GNAO1: variants seen among roughly 807,000 people sequenced by gnomAD.
The protein encoded by GNAO1 is guanine nucleotide-binding protein G(o) subunit alpha.
For synonymous variants in GNAO1, 164 were observed against 180.7 expected, an observed-to-expected ratio of 0.91 and a Z score of 0.74; for missense variants, 166 against 478.7, an observed-to-expected ratio of 0.35 and a Z score of 6.10.
chr16:56,355,206 C>CTT, intron 8 of GNAO1, 125 bp downstream of exon 8: 1 of 226,192 alleles, frequency 4.4e-6, no homozygotes, highest in East Asian at 8.4e-5. Context: ...ATAACAAAAC[C>CTT]TTATATATAT....
chr16:56,317,127 C>G (rs896161321), intron 3 of GNAO1, among the ~76,000 whole-genome samples: 3 of 152,202 alleles, frequency 2.0e-5, no homozygotes, highest in South Asian at 4.1e-4. Flanking sequence ...AAAACCCAAG[C>G]CTTCTTTACT....
intron 2 of GNAO1, among the ~76,000 whole-genome samples, chr16:56,256,426 C>T (rs1321748655): frequency 2.6e-5 from 4 of 152,128 alleles, no homozygotes; most frequent in South Asian, 2.1e-4. Flanking sequence ...AAGTTCTTTC[C>T]GGCATCCATG....
rs773324912 is a variant in GNAO1 at position 56,276,086 on chromosome 16, C to T, written c.303+14C>T. ...AAGGAGAGAAAGGTAGGCCCCTGAG[C>T]CCATAAGCACAGCAACAAGAGGTTC... On this transcript the variant is annotated intron_variant, in intron 3 of 8. Coordinates refer to ENST00000262493, the MANE Select transcript of GNAO1 (RefSeq NM_020988.3). 2 of 1,606,870 alleles carry T rather than the reference C, an allele frequency of 1.2e-6. No individual in the cohort carries two copies. The highest frequency in any genetic ancestry group is 2.2e-5 in the East Asian group (1 of 44,812).
intron 2 of GNAO1, among the ~76,000 whole-genome samples, chr16:56,214,021 G>C (rs945171189): frequency 6.6e-6 from 1 of 152,250 alleles, no homozygotes; most frequent in South Asian, 2.1e-4. Context: ...GTGGATGTGT[G>C]TGTGTATCCT....
intron 2 of GNAO1, among the ~76,000 whole-genome samples, chr16:56,254,272 A>G (rs570171485): frequency 6.6e-6 from 1 of 152,230 alleles, no homozygotes; most frequent in South Asian, 2.1e-4. Flanking sequence ...TATTTTTGAA[A>G]TAGACATCTT....
chr16:56,345,096 A>G (rs1206191833), intron 6 of GNAO1: 8 of 985,392 alleles, frequency 8.1e-6, no homozygotes, highest in Non-Finnish European at 9.6e-6. Flanking sequence ...AGGACTCCTT[A>G]GAGGAGGCTT....
chr16:56,254,870 C>T (rs1020270717), intron 2 of GNAO1, among the ~76,000 whole-genome samples: 4 of 152,082 alleles, frequency 2.6e-5, no homozygotes, highest in Non-Finnish European at 5.9e-5. Context: ...TTCTTTTTCC[C>T]TTAATTCATA....
chr16:56,223,047 A>G lies in GNAO1; in HGVS notation c.161+30431A>G, dbSNP rs527672160. ...CTTATTGTGGCTGTTTCAATTGGCC[A>G]CAGATTTTGTGGTTTAAAACAATAA... is the stretch of plus-strand genomic sequence containing the variant. On this transcript the variant is annotated intron_variant, in intron 2 of 8. Coordinates refer to ENST00000262493, the MANE Select transcript of GNAO1 (RefSeq NM_020988.3). Among the ~76,000 whole-genome samples the G allele has an allele frequency of 7.9e-5, 12 of 152,288 alleles. No individual in the cohort carries two copies. The East Asian group carries it at 1.5e-3, about 20-fold the overall frequency.
intron 2 of GNAO1, among the ~76,000 whole-genome samples, chr16:56,225,924 G>T (rs1232891045): frequency 6.6e-6 from 1 of 151,978 alleles, no homozygotes; most frequent in East Asian, 1.9e-4. Context: ...TCTCAGCCAG[G>T]ATGCAAATGA....
chr16:56,194,456 C>G, intron 2 of GNAO1: 1 of 352,842 alleles, frequency 2.8e-6, no homozygotes, highest in Non-Finnish European at 5.6e-6. Flanking sequence ...GCCACCTGAG[C>G]TGGATGAGGT....
chr16:56,214,032 G>T (rs1233605547), intron 2 of GNAO1, among the ~76,000 whole-genome samples: 1 of 152,108 alleles, frequency 6.6e-6, no homozygotes, highest in African/African-American at 2.4e-5. Flanking sequence ...TGTGTATCCT[G>T]ACAAAGGAGG....
At chr16:56,218,352 A>C (rs909871948) in intron 2 of GNAO1, among the ~76,000 whole-genome samples, 2 of 152,132 alleles carry the variant, frequency 1.3e-5, no homozygotes, top group East Asian at 3.9e-4. Context: ...ACCATCACCC[A>C]CCAGTCTTTT....
chr16:56,282,674 G>C (rs1203977395), intron 3 of GNAO1, among the ~76,000 whole-genome samples: 5 of 152,220 alleles, frequency 3.3e-5, no homozygotes, highest in African/African-American at 1.2e-4. Flanking sequence ...CTACAAGCAA[G>C]GGCTTTTAAA....
chr16:56,245,469 A>G (rs1288547934), intron 2 of GNAO1: 1 of 154,810 alleles, frequency 6.5e-6, no homozygotes, highest in Non-Finnish European at 1.5e-5. Context: ...TTAACCCACA[A>G]ACAGAACAGG....
chr16:56,344,438 A>G (rs1195324309), intron 6 of GNAO1: 71 of 1,003,266 alleles, frequency 7.1e-5, no homozygotes, highest in Non-Finnish European at 8.2e-5. Context: ...CCAGGGTGGG[A>G]TCAGGCCAAC....
At chr16:56,240,220 G>A (rs547056007) in intron 2 of GNAO1, among the ~76,000 whole-genome samples, 1 of 152,318 alleles carries the variant, frequency 6.6e-6, no homozygotes, top group South Asian at 2.1e-4. Context: ...TCTCAGCTCA[G>A]TGTGTGGAGG....
chr16:56,235,467 T>C, intron 2 of GNAO1: 1 of 453,926 alleles, frequency 2.2e-6, no homozygotes. Flanking sequence ...CCTGTGCCTG[T>C]CTACCATTTC....
chr16:56,348,190 C>G (rs1363925236), intron 6 of GNAO1: 37 of 984,364 alleles, frequency 3.8e-5, no homozygotes, highest in Admixed American at 6.1e-5. Flanking sequence ...AAAAAGTGCC[C>G]GCTTTCCTAG....
At position 56,294,363 on chromosome 16, in the gene GNAO1, T is replaced by G. The variant is rs368539107; in HGVS notation, c.303+18291T>G. Among the ~76,000 whole-genome samples the G allele has an allele frequency of 2.0e-4, 26 of 126,974 alleles. No individual in the cohort carries two copies. In the East Asian group the frequency reaches 4.2e-3, roughly 20 times the overall value. The allele number at this position is 126,974 out of a possible 152,430, so 83.3% of individuals were successfully genotyped here. A position where few individuals can be genotyped will look rare whatever the true frequency, so the allele number is the denominator to read the frequency against. On this transcript the variant is annotated intron_variant, in intron 3 of 8. Transcript: ENST00000262493. ...CTTTAAAAAAAAAAAAAAAAAAAAG[T>G]GGACTGGGTGTGAGCTAGGTGTCTG...
Sources: gnomAD v4.1 joint callset for allele counts (sites outside exome capture counted in the v4.1 genomes callset) on GRCh38, gnomAD v4.1.1 for gene constraint, MANE v1.5 for transcripts, NCBI Gene and HGNC (gene_info 2026-07-23, HGNC 2026-07-21) for gene names.